DACH1: variants seen among roughly 807,000 people sequenced by gnomAD.
DACH1 encodes the protein dachshund homolog 1.
DACH1 carries 12 observed loss-of-function variants against 54.2 expected under a neutral mutation model. That is an observed-to-expected ratio of 0.22 (90% CI 0.14 to 0.36). The LOEUF is 0.36. Ranked by LOEUF, DACH1 falls within the 10% of genes least tolerant of loss-of-function variation. The pLI is 1.00. For missense variants in DACH1, 805 were observed against 929.8 expected, an observed-to-expected ratio of 0.87 and a Z score of 1.75; for synonymous variants, 386 against 366.2, an observed-to-expected ratio of 1.05 and a Z score of -0.62.
chr13:71,654,472 A>AAT (rs1878947264), intron 2 of DACH1, among the ~76,000 whole-genome samples: 26 of 127,438 alleles, frequency 2.0e-4, no homozygotes, highest in Non-Finnish European at 3.2e-4. Flanking sequence ...AATAAAATAA[A>AAT]ATAAAATAAA....
At chr13:71,823,842 T>C (rs9542751) in intron 1 of DACH1, among the ~76,000 whole-genome samples, 101,787 of 151,766 alleles carry the variant, frequency 0.67, 34,549 homozygotes, top group Admixed American at 0.75. Context: ...CTTGACGTTT[T>C]ACTATCTGCA....
chr13:71,777,181 C>A (rs1478614015), intron 1 of DACH1, among the ~76,000 whole-genome samples: 1 of 150,862 alleles, frequency 6.6e-6, no homozygotes, highest in Non-Finnish European at 1.5e-5. Flanking sequence ...TTTCCACCTT[C>A]TTCTTCTTGT....
chr13:71,632,268 T>G (rs1263185080), intron 2 of DACH1, among the ~76,000 whole-genome samples: 1 of 152,044 alleles, frequency 6.6e-6, no homozygotes, highest in East Asian at 1.9e-4. Context: ...TGGTTTGTCT[T>G]GCTTAAATGT....
chr13:71,819,673 T>C (rs1888110897), intron 1 of DACH1, among the ~76,000 whole-genome samples: 1 of 152,102 alleles, frequency 6.6e-6, no homozygotes, highest in African/African-American at 2.4e-5. Flanking sequence ...AAAGAGCAAA[T>C]TGAAGGTGTA....
intron 6 of DACH1, among the ~76,000 whole-genome samples, chr13:71,549,276 C>T (rs1566332396): frequency 6.6e-6 from 1 of 152,062 alleles, no homozygotes; most frequent in Non-Finnish European, 1.5e-5. Context: ...TGTTCTCTAC[C>T]TCACGTTTAA....
chr13:71,513,687 T>C (rs1461293556), intron 6 of DACH1, among the ~76,000 whole-genome samples: 1 of 152,122 alleles, frequency 6.6e-6, no homozygotes. Flanking sequence ...AAGCATCATA[T>C]TAAATCTAAA....
intron 3 of DACH1, among the ~76,000 whole-genome samples, chr13:71,608,374 A>G (rs985195098): frequency 8.5e-5 from 13 of 152,142 alleles, no homozygotes; most frequent in Middle Eastern, 6.8e-3. Context: ...GAGAAAATGA[A>G]TATGTTGGTT....
In DACH1 at chr13:71,673,460, C is replaced by T. The variant is rs1035832986; in HGVS notation, c.964+8335G>A. 2.0e-5 allele frequency among the ~76,000 whole-genome samples: 3 copies of T among 151,868 alleles called. No individual in the cohort carries two copies. In the East Asian group the frequency reaches 5.8e-4, roughly 29 times the overall value. On this transcript the variant is annotated intron_variant, in intron 2 of 10. Coordinates refer to ENST00000613252, the MANE Select transcript of DACH1 (RefSeq NM_080759.6). ...ATGTATTAAATTATATATCAAGATA[C>T]TGGAGGTACAATGAAAATTCTAATC...
chr13:71,692,915 C>CA (rs1881600441), intron 1 of DACH1, among the ~76,000 whole-genome samples: 1 of 152,098 alleles, frequency 6.6e-6, no homozygotes, highest in Non-Finnish European at 1.5e-5. Flanking sequence ...ACTACATAGA[C>CA]AAAATCTGAA....
At chr13:71,538,910 A>C (rs1463089338) in intron 6 of DACH1, among the ~76,000 whole-genome samples, 4 of 152,074 alleles carry the variant, frequency 2.6e-5, no homozygotes, top group Non-Finnish European at 5.9e-5. Context: ...CATTGTCAAC[A>C]TGGTAATTTC....
intron 1 of DACH1, among the ~76,000 whole-genome samples, chr13:71,757,587 A>G (rs1365333005): frequency 6.7e-6 from 1 of 149,662 alleles, no homozygotes; most frequent in Non-Finnish European, 1.5e-5. Context: ...ACAATGGTGC[A>G]ATCTTGGCTC....
intron 6 of DACH1, among the ~76,000 whole-genome samples, chr13:71,519,824 C>T (rs1047854501): frequency 2.2e-4 from 29 of 133,832 alleles, no homozygotes; most frequent in African/African-American, 7.1e-4. Context: ...CCAAATAACA[C>T]TTCACCACAA....
rs1036177426 is a variant in DACH1 at position 71,576,359 on chromosome 13, A to G, written c.1127-3347T>C. ...AAGATTTAGTGTAACTAAAATTCAA[A>G]TATGTAAGGAGTAGGTGTGGGAGGT... On this transcript the variant is annotated intron_variant, in intron 3 of 10. Transcript: ENST00000613252. Among the ~76,000 whole-genome samples, 3 of 152,156 alleles carry G rather than the reference A, an allele frequency of 2.0e-5. No individual in the cohort carries two copies. The East Asian group carries it at 5.8e-4, about 29-fold the overall frequency.
At chr13:71,596,923 C>T (rs1566367445) in intron 3 of DACH1, among the ~76,000 whole-genome samples, 1 of 152,082 alleles carries the variant, frequency 6.6e-6, no homozygotes, top group Non-Finnish European at 1.5e-5. Context: ...AAGAAGTGTG[C>T]AACAAATAGC....
intron 1 of DACH1, among the ~76,000 whole-genome samples, chr13:71,801,154 G>T: frequency 6.6e-6 from 1 of 151,986 alleles, no homozygotes; most frequent in Admixed American, 6.6e-5. Flanking sequence ...TGAACTCTTT[G>T]CCTTATGTGA....
At chr13:71,440,804 T>C in intron 10 of DACH1, 112 bp from the exon 11 acceptor site, 3 of 801,484 alleles carry the variant, frequency 3.7e-6, no homozygotes, top group Non-Finnish European at 4.0e-6. Flanking sequence ...AGATCTTTAC[T>C]TGGTTAAGAA....
At chr13:71,488,973 C>A in intron 7 of DACH1, 24 bp downstream of exon 7, 1 of 1,602,852 alleles carries the variant, frequency 6.2e-7, no homozygotes, top group Non-Finnish European at 8.5e-7. Flanking sequence ...ATATGTCTTT[C>A]TTCCAGGTTG....
At chr13:71,631,294 G>T (rs1490533850) in intron 2 of DACH1, among the ~76,000 whole-genome samples, 4 of 152,122 alleles carry the variant, frequency 2.6e-5, no homozygotes, top group Non-Finnish European at 5.9e-5. Flanking sequence ...CCTGAAAAAA[G>T]CTACTCATTA....
At chr13:71,587,053 A>G (rs1345899255) in intron 3 of DACH1, among the ~76,000 whole-genome samples, 1 of 152,150 alleles carries the variant, frequency 6.6e-6, no homozygotes, top group Non-Finnish European at 1.5e-5. Flanking sequence ...AAATTCAAAA[A>G]AGCCCCAATA....
Sources: gnomAD v4.1 joint callset for allele counts (sites outside exome capture counted in the v4.1 genomes callset) on GRCh38, gnomAD v4.1.1 for gene constraint, MANE v1.5 for transcripts, NCBI Gene and HGNC (gene_info 2026-07-23, HGNC 2026-07-21) for gene names.